ADAMTSL1: variants seen among roughly 807,000 people sequenced by gnomAD.
ADAMTSL1 encodes ADAMTS-like protein 1.
Under a neutral mutation model 201.8 loss-of-function variants are expected in ADAMTSL1, and 126 were observed. That is an observed-to-expected ratio of 0.62 (90% CI 0.54 to 0.72). The LOEUF (loss-of-function observed/expected upper bound fraction) is 0.72, where lower values mean the gene tolerates loss of function less well. ADAMTSL1 is among the 30% of genes least tolerant of loss of function. The probability of loss-of-function intolerance (pLI) is 0.00; values close to 1 mark genes in which losing one functional copy is unlikely to be tolerated. For missense variants in ADAMTSL1, 2,679 were observed against 2,277.8 expected (o/e 1.18, Z -3.59); for synonymous variants, 1,121 against 903.4 (o/e 1.24, Z -4.32).
chr9:18,198,371 C>G (rs1170584729), intron 2 of ADAMTSL1, among the ~76,000 whole-genome samples: 3 of 141,806 alleles, frequency 2.1e-5, no homozygotes, highest in African/African-American at 5.2e-5. Flanking sequence ...TGACAAAGGG[C>G]TAATATCCAG....
intron 2 of ADAMTSL1, among the ~76,000 whole-genome samples, chr9:18,237,922 C>T (rs149616341): frequency 6.6e-6 from 1 of 152,342 alleles, no homozygotes; most frequent in Admixed American, 6.5e-5. Flanking sequence ...TTGAACGTTT[C>T]GTGGACTAAG....
chr9:18,446,292 C>G (rs1436342236), intron 2 of ADAMTSL1, among the ~76,000 whole-genome samples: 1 of 152,064 alleles, frequency 6.6e-6, no homozygotes, highest in African/African-American at 2.4e-5. Context: ...GGAAGATATG[C>G]CTGGGGGAAA....
intron 1 of ADAMTSL1, among the ~76,000 whole-genome samples, chr9:18,479,687 G>A (rs1046434350): frequency 1.3e-5 from 2 of 152,140 alleles, no homozygotes; most frequent in African/African-American, 4.8e-5. Context: ...ACAAAGCTGT[G>A]GGGGACAGCA....
intron 3 of ADAMTSL1, among the ~76,000 whole-genome samples, chr9:18,535,969 C>A (rs1052982183): frequency 6.6e-6 from 1 of 152,048 alleles, no homozygotes; most frequent in Admixed American, 6.6e-5. Context: ...CAGACTCTGA[C>A]CTCATATTAC....
intron 2 of ADAMTSL1, among the ~76,000 whole-genome samples, chr9:18,405,870 G>A (rs1432030841): frequency 2.1e-4 from 32 of 151,994 alleles, no homozygotes; most frequent in Non-Finnish European, 1.8e-4. Context: ...AACTTGGTTT[G>A]GCTCTATTTC....
At chr9:18,390,200 C>T (rs906536189) in intron 2 of ADAMTSL1, among the ~76,000 whole-genome samples, 5 of 151,942 alleles carry the variant, frequency 3.3e-5, no homozygotes, top group African/African-American at 4.8e-5. Context: ...GAGTTACTTA[C>T]GAGATTCGTA....
chr9:18,018,551 T>C (rs1046811843), intron 1 of ADAMTSL1, among the ~76,000 whole-genome samples: 2 of 152,084 alleles, frequency 1.3e-5, no homozygotes, highest in Non-Finnish European at 2.9e-5. Context: ...ACTCACCCTT[T>C]GATTGATCAC....
intron 2 of ADAMTSL1, among the ~76,000 whole-genome samples, chr9:18,454,184 T>C (rs966266334): frequency 1.3e-4 from 20 of 152,064 alleles, no homozygotes; most frequent in African/African-American, 4.6e-4. Context: ...TAAATATCAG[T>C]ACAAGGCCAA....
chr9:18,578,432 C>T lies in ADAMTSL1; in HGVS notation c.474+4166C>T, dbSNP rs117361338. ...CTTATTTGCTCACTATCATTCTAGA[C>T]TAGATGAAGTTAGAGAGAAGGCTGA... On this transcript the variant is annotated intron_variant, in intron 4 of 28. Coordinates refer to ENST00000380548, the MANE Select transcript of ADAMTSL1 (RefSeq NM_001040272.6). Among the ~76,000 whole-genome samples, 24 of 152,178 alleles carry T rather than the reference C, an allele frequency of 1.6e-4. No individual in the cohort carries two copies. In the East Asian group the frequency reaches 3.7e-3, roughly 23 times the overall value.
At chr9:18,356,297 T>A (rs970800716) in intron 2 of ADAMTSL1, among the ~76,000 whole-genome samples, 2 of 152,268 alleles carry the variant, frequency 1.3e-5, no homozygotes, top group Middle Eastern at 3.4e-3. Flanking sequence ...CAGGCTGTTC[T>A]TTCAGGCTTC....
rs373432746 is a variant in ADAMTSL1 at position 18,776,989 on chromosome 9, C to T, written c.2760C>T (p.Ser920=). The T allele has an allele frequency of 2.5e-6, 4 of 1,600,414 alleles. No homozygotes were observed. The highest frequency in any genetic ancestry group is 1.1e-5 in the South Asian group (1 of 89,408). The stretch of plus-strand genomic sequence containing the variant: ...AGAAGGACGGCCAGCACCTCATCAG[C>T]TCGACGCACGTCACGGTGGCCCCCT... ...TWEKDGQHLI[S]STHVTVAPFG... The change falls in exon 19 of 29, where the codon AGC becomes AGT. Residue 920 remains serine, a synonymous_variant. Transcript: ENST00000380548.
chr9:18,564,318 G>C (rs1033682446), intron 3 of ADAMTSL1, among the ~76,000 whole-genome samples: 1 of 152,110 alleles, frequency 6.6e-6, no homozygotes. Context: ...ACCCTGCTTG[G>C]GCTCACCCTC....
Position 18,038,563 on chromosome 9 carries a change from A to C in ADAMTSL1, c.88-125299A>C, listed in dbSNP as rs760048801. On this transcript the variant is annotated intron_variant, in intron 1 of 29. Transcript: ENST00000680146. ...TCAACCTGTATCTTTTGTGTCTGCTATTTTGCCTAAAGGATTTCAAAGGGT... is the reference window on the plus strand; with the variant it reads ...TCAACCTGTATCTTTTGTGTCTGCTCTTTTGCCTAAAGGATTTCAAAGGGT... Among the ~76,000 whole-genome samples, 4 of 152,208 alleles carry C rather than the reference A, an allele frequency of 2.6e-5. No individual in the cohort carries two copies. The South Asian group carries it at 8.3e-4, about 32-fold the overall frequency.
chr9:18,201,525 G>T (rs1479749054), intron 2 of ADAMTSL1, among the ~76,000 whole-genome samples: 1 of 151,782 alleles, frequency 6.6e-6, no homozygotes, highest in African/African-American at 2.4e-5. Flanking sequence ...CTTTTTCTGT[G>T]CCCCACCTTC....
At chr9:18,614,977 T>C (rs1825608089) in intron 4 of ADAMTSL1, among the ~76,000 whole-genome samples, 1 of 152,210 alleles carries the variant, frequency 6.6e-6, no homozygotes, top group African/African-American at 2.4e-5. Context: ...TTTCCCATTT[T>C]ATAGCTAAAA....
chr9:18,407,455 A>G (rs1452760187), intron 2 of ADAMTSL1, among the ~76,000 whole-genome samples: 4 of 152,200 alleles, frequency 2.6e-5, no homozygotes, highest in Admixed American at 2.6e-4. Flanking sequence ...GAAGAGAGTT[A>G]AGGATTCTTT....
intron 13 of ADAMTSL1, among the ~76,000 whole-genome samples, chr9:18,686,265 T>C (rs1254704234): frequency 6.6e-6 from 1 of 152,196 alleles, no homozygotes; most frequent in Non-Finnish European, 1.5e-5. Flanking sequence ...TAAGCAAACA[T>C]AAATTATTTC....
intron 26 of ADAMTSL1, among the ~76,000 whole-genome samples, chr9:18,895,406 A>T (rs10116125): frequency 0.12 from 18,115 of 149,848 alleles, 1,179 homozygotes; most frequent in Middle Eastern, 0.22. Flanking sequence ...ATTTCCTGGT[A>T]TTTTCGTTCA....
intron 2 of ADAMTSL1, among the ~76,000 whole-genome samples, chr9:18,384,644 T>C (rs950658498): frequency 5.9e-5 from 9 of 152,182 alleles, no homozygotes; most frequent in Non-Finnish European, 1.0e-4. Context: ...TGTAACTTCA[T>C]AGGCAATCTT....
Sources: allele counts gnomAD v4.1 joint callset (sites outside exome capture counted in the v4.1 genomes callset), GRCh38; gene constraint gnomAD v4.1.1; transcripts MANE v1.5; gene names NCBI Gene and HGNC (gene_info 2026-07-23, HGNC 2026-07-21).